The following TRPM1 variants were observed in gnomAD, a reference collection of about 807,000 sequenced individuals.
The protein encoded by TRPM1 is transient receptor potential cation channel subfamily M member 1.
A neutral mutation model predicts 149.4 loss-of-function variants in TRPM1; 113 were observed. The ratio of observed to expected loss-of-function variants is 0.76; its 90% CI spans 0.65 to 0.88. The LOEUF is 0.88. Ranked by LOEUF, TRPM1 falls within the 40% of genes least tolerant of loss-of-function variation. The pLI is 0.00. For missense variants in TRPM1, 1,976 were observed against 2,038.7 expected (o/e 0.97, Z 0.59); for synonymous variants, 741 against 759.5 (o/e 0.98, Z 0.40).
At chr15:31,116,921 A>G (rs1268470266) in intron 1 of TRPM1, among the ~76,000 whole-genome samples, 1 of 152,254 alleles carries the variant, frequency 6.6e-6, no homozygotes, top group African/African-American at 2.4e-5. Flanking sequence ...GGCTTTCAAT[A>G]AAATAATTAC....
rs191776187 is a variant in TRPM1 at position 31,096,637 on chromosome 15, G to A, written c.-84+5020C>T. On this transcript the variant is annotated intron_variant, in intron 1 of 27. Coordinates refer to ENST00000256552, the MANE Select transcript of TRPM1 (RefSeq NM_001252024.2). ...TCTGGGTTTCAGAGGCTAGGCAGGT[G>A]CAGCCAGTGTCTGCAGGAGAGATGC... Among the ~76,000 whole-genome samples, 383 of 152,370 alleles carry A rather than the reference G, an allele frequency of 2.5e-3. 1 individual carries two copies. Among genetic ancestry groups the A allele is most frequent in the African/African-American group, 9.0e-3 (373 of 41,596 alleles).
chr15:31,148,481 A>C (rs1822968310), intron 1 of TRPM1, among the ~76,000 whole-genome samples: 1 of 152,212 alleles, frequency 6.6e-6, no homozygotes, highest in Admixed American at 6.5e-5. Context: ...GCACTAGCAA[A>C]GAATTCTCCT....
At chr15:31,071,951 G>A (rs1184034243) in intron 3 of TRPM1, among the ~76,000 whole-genome samples, 3 of 112,378 alleles carry the variant, frequency 2.7e-5, no homozygotes, top group African/African-American at 6.9e-5. Flanking sequence ...TTGACAGAGT[G>A]AGACTCCGTC....
At chr15:31,079,665 C>T (rs1392448232) in intron 2 of TRPM1, among the ~76,000 whole-genome samples, 2 of 152,238 alleles carry the variant, frequency 1.3e-5, no homozygotes, top group Non-Finnish European at 2.9e-5. Flanking sequence ...ACAAAGCATG[C>T]ATATCAGCAG....
chr15:31,016,988 CAAAAAA>C (rs1555416814), intron 27 of TRPM1, among the ~76,000 whole-genome samples: 62 of 102,588 alleles, frequency 6.0e-4, no homozygotes, highest in Non-Finnish European at 1.1e-3. Flanking sequence ...CACACACACA[CAAAAAA>C]AAAACTTGTT....
intron 2 of TRPM1, among the ~76,000 whole-genome samples, chr15:31,078,688 C>T (rs774447342): frequency 1.9e-4 from 29 of 152,160 alleles, no homozygotes; most frequent in East Asian, 1.9e-4. Flanking sequence ...GCACTTTTCC[C>T]GTCTGTTTCG....
intron 1 of TRPM1, among the ~76,000 whole-genome samples, chr15:31,081,897 A>G (rs1055952286): frequency 6.6e-6 from 1 of 152,068 alleles, no homozygotes. Context: ...CCTGGGGAGG[A>G]GCTTGGTCTC....
At chr15:31,113,778 C>T (rs929273390) in intron 1 of TRPM1, among the ~76,000 whole-genome samples, 5 of 152,168 alleles carry the variant, frequency 3.3e-5, no homozygotes, top group South Asian at 2.1e-4. Flanking sequence ...TGTTACAGCT[C>T]TTAAAGGTGG....
intron 1 of TRPM1, among the ~76,000 whole-genome samples, chr15:31,137,757 C>T (rs74010801): frequency 0.024 from 3,623 of 152,234 alleles, 129 homozygotes; most frequent in African/African-American, 0.076. Context: ...TCGGAATTGC[C>T]TATATTCTCA....
chr15:31,047,922 G>A lies in TRPM1; in HGVS notation c.1590C>T (p.Asn530=). The change falls in exon 14 of 28, where the codon AAC becomes AAT. Residue 530 remains asparagine, a synonymous_variant. Coordinates refer to ENST00000256552, the MANE Select transcript of TRPM1 (RefSeq NM_001252024.2). ...CATCCCTCACCAGCAGATGAAGTGT[G>A]TTTGGTGGACCCAGTCTCTGAAAGA... ...ELYNTRLGPP[N]TLHLLVRDVK... is the part of the protein sequence containing the mutation. The A allele has an allele frequency of 6.2e-7, 1 of 1,613,970 alleles. No homozygotes were observed. The highest frequency in any genetic ancestry group is 2.2e-5 in the East Asian group (1 of 44,880).
At chr15:31,039,461 C>A (rs997399753) in intron 18 of TRPM1, among the ~76,000 whole-genome samples, 15 of 152,256 alleles carry the variant, frequency 9.9e-5, no homozygotes, top group Non-Finnish European at 1.9e-4. Context: ...CTCGTATAGT[C>A]TTTTCTTTAT....
upstream of TRPM1, among the ~76,000 whole-genome samples, chr15:31,105,972 C>T (rs2035600854): frequency 6.6e-6 from 1 of 152,148 alleles, no homozygotes. Context: ...GATTTCCATG[C>T]ATTGTTTTAG....
chr15:31,083,399 C>A (rs1285558449), intron 1 of TRPM1, among the ~76,000 whole-genome samples: 2 of 152,142 alleles, frequency 1.3e-5, no homozygotes, highest in South Asian at 4.1e-4. Flanking sequence ...CTCTTGAAAG[C>A]CCTCAGGATG....
In TRPM1 at chr15:31,126,908, A is replaced by C. The variant is rs1212080532; in HGVS notation, c.54+33998T>G. ...CTTGAACCCGGGAGGTGGAGGTTGC[A>C]GTGAGCTGAGATCGTGCCACTGCAT... On this transcript the variant is annotated intron_variant, in intron 1 of 26. Transcript: ENST00000542188. Among the ~76,000 whole-genome samples, 5 of 152,318 alleles carry C rather than the reference A, an allele frequency of 3.3e-5. No individual in the cohort carries two copies. In the South Asian group the frequency reaches 8.3e-4, roughly 25 times the overall value.
At chr15:31,104,684 C>T (rs961792051), upstream of TRPM1, among the ~76,000 whole-genome samples, 4 of 150,212 alleles carry the variant, frequency 2.7e-5, no homozygotes, top group African/African-American at 9.8e-5. Context: ...AGCTCCGCCT[C>T]CCAGGTTCAC....
chr15:31,113,547 T>G (rs1409714373), intron 1 of TRPM1, among the ~76,000 whole-genome samples: 4 of 150,198 alleles, frequency 2.7e-5, no homozygotes, highest in African/African-American at 1.0e-4. Flanking sequence ...TTTGTACTCC[T>G]AAAATGTTTT....
intron 1 of TRPM1, among the ~76,000 whole-genome samples, chr15:31,149,733 A>C (rs935676683): frequency 2.6e-5 from 4 of 151,938 alleles, no homozygotes; most frequent in Non-Finnish European, 4.4e-5. Flanking sequence ...GTTAGCCAGG[A>C]TGGTCTCGAT....
rs2034401401 is a variant in TRPM1, at chr15:31,067,171, T to C, written c.510A>G (p.Val170=). The C allele has an allele frequency of 6.2e-7, 1 of 1,614,220 alleles. No homozygotes were observed. The highest frequency in any genetic ancestry group is 8.5e-7 in the Non-Finnish European group (1 of 1,180,032). The change falls in exon 6 of 28, where the codon GTA becomes GTG. Residue 170 remains valine (V), a synonymous_variant. Transcript: ENST00000256552. ...AGGAGTGGTCTTTCAAGGCATCCCC[T>C]ACGTGGCTGATAACACCTGTGAGCA... ...GGVSTGVISH[V]GDALKDHSSK...
chr15:31,020,698 T>C (rs1051127972), intron 27 of TRPM1, among the ~76,000 whole-genome samples: 3 of 152,240 alleles, frequency 2.0e-5, no homozygotes, highest in African/African-American at 7.2e-5. Flanking sequence ...TTTCTATGTA[T>C]GTGGACTTTT....
Sources: gnomAD v4.1 joint callset for allele counts (sites outside exome capture counted in the v4.1 genomes callset) on GRCh38, gnomAD v4.1.1 for gene constraint, MANE v1.5 for transcripts, NCBI Gene and HGNC (gene_info 2026-07-23, HGNC 2026-07-21) for gene names.